The following ATP2B2 variants were observed in gnomAD, a reference collection of about 807,000 sequenced individuals.
The protein encoded by ATP2B2 is plasma membrane calcium-transporting ATPase 2.
ATP2B2 carries 15 observed loss-of-function variants against 120.0 expected under a neutral mutation model. That is an observed-to-expected ratio of 0.12 (90% confidence interval 0.08 to 0.19). ATP2B2 has a LOEUF of 0.19. Among genes scored for constraint, ATP2B2 ranks in the 10% least tolerant of loss-of-function variants. ATP2B2 has a pLI of 1.00. For missense variants in ATP2B2, 1,045 were observed against 1,719.8 expected (o/e 0.61, Z 6.94); for synonymous variants, 694 against 700.3 (o/e 0.99, Z 0.14).
chr3:10,488,463 A>ATTCATTCCTTCCTTCCTTCC (rs1398194870), intron 1 of ATP2B2, among the ~76,000 whole-genome samples: 112 of 95,790 alleles, frequency 1.2e-3, no homozygotes, highest in East Asian at 0.011. Context: ...CACCCTACAA[A>ATTCATTCCTTCCTTCCTTCC]TTCCTTCCTT....
chr3:10,599,779 G>T (rs2125590156), intron 2 of ATP2B2, among the ~76,000 whole-genome samples: 1 of 130,452 alleles, frequency 7.7e-6, no homozygotes. Flanking sequence ...CTGTGCTCAT[G>T]GAATGGAGCT....
At chr3:10,483,651 C>T (rs9827321) in intron 1 of ATP2B2, among the ~76,000 whole-genome samples, 3,673 of 152,218 alleles carry the variant, frequency 0.024, 157 homozygotes, top group African/African-American at 0.084. Flanking sequence ...TGCCTGGCCA[C>T]CAAGGAGATG....
At chr3:10,552,829 G>C (rs2067698280) in intron 2 of ATP2B2, among the ~76,000 whole-genome samples, 1 of 152,236 alleles carries the variant, frequency 6.6e-6, no homozygotes, top group Non-Finnish European at 1.5e-5. Context: ...TGCAACTGCT[G>C]AGGCCACAGA....
At chr3:10,508,762 C>T (rs2066700120), upstream of ATP2B2, among the ~76,000 whole-genome samples, 1 of 152,092 alleles carries the variant, frequency 6.6e-6, no homozygotes, top group Non-Finnish European at 1.5e-5. Context: ...ATTAGACAAA[C>T]AATGGCACTA....
At chr3:10,572,734 G>T (rs1205922824) in intron 2 of ATP2B2, among the ~76,000 whole-genome samples, 1 of 152,190 alleles carries the variant, frequency 6.6e-6, no homozygotes, top group Non-Finnish European at 1.5e-5. Context: ...CATATTAATG[G>T]GTTGAAGGGG....
rs1038572905 is a variant in ATP2B2, at chr3:10,644,574, C to T, written c.-459-24613G>A. Among the ~76,000 whole-genome samples, 4 of 152,112 alleles carry T rather than the reference C, an allele frequency of 2.6e-5. No individual in the cohort carries two copies. In the East Asian group the frequency reaches 5.8e-4, roughly 22 times the overall value. On this transcript the variant is annotated intron_variant, in intron 1 of 21. Transcript: ENST00000646379. ...TGTGTACATGCAATGGAATATTATTCGACCATGAAAAGGAATGAAGTACTA... is the reference window on the plus strand; with the variant it reads ...TGTGTACATGCAATGGAATATTATTTGACCATGAAAAGGAATGAAGTACTA...
intron 1 of ATP2B2, among the ~76,000 whole-genome samples, chr3:10,676,246 T>G (rs79856462): frequency 0.028 from 4,229 of 152,236 alleles, 81 homozygotes; most frequent in South Asian, 0.089. Context: ...GGTTTGGACC[T>G]CAGATCCAAG....
intron 22 of ATP2B2, chr3:10,336,186 C>G: frequency 1.9e-6 from 3 of 1,550,658 alleles, no homozygotes; most frequent in Non-Finnish European, 1.7e-6. Context: ...GACAACGACA[C>G]GCGACTAGGG....
At chr3:10,613,032 G>C (rs925472171) in intron 2 of ATP2B2, among the ~76,000 whole-genome samples, 2 of 152,166 alleles carry the variant, frequency 1.3e-5, no homozygotes, top group African/African-American at 2.4e-5. Context: ...AGCCAGCCTG[G>C]CCTCCACCGA....
At chr3:10,345,611 C>T (rs767601052) in intron 17 of ATP2B2, 36 bp from the exon 18 acceptor site, 2 of 1,605,228 alleles carry the variant, frequency 1.2e-6, no homozygotes, top group Admixed American at 3.3e-5. Context: ...GGTGGGGTGG[C>T]CGGGGGAGGT....
intron 1 of ATP2B2, among the ~76,000 whole-genome samples, chr3:10,645,556 T>C (rs1031138546): frequency 2.0e-5 from 3 of 152,156 alleles, no homozygotes; most frequent in Non-Finnish European, 4.4e-5. Context: ...CAATGGTGCT[T>C]CTGGTTAAAG....
chr3:10,632,133 G>A (rs375719504), intron 1 of ATP2B2, among the ~76,000 whole-genome samples: 1 of 152,226 alleles, frequency 6.6e-6, no homozygotes, highest in East Asian at 1.9e-4. Flanking sequence ...CCTGCAGATG[G>A]TTTTTTGTGG....
chr3:10,627,314 C>G (rs545842264), intron 1 of ATP2B2, among the ~76,000 whole-genome samples: 1 of 152,280 alleles, frequency 6.6e-6, no homozygotes, highest in South Asian at 2.1e-4. Flanking sequence ...GCCTTTGGGA[C>G]CAGCTTATGG....
chr3:10,548,874 A>T (rs574627865), intron 2 of ATP2B2, among the ~76,000 whole-genome samples: 1 of 152,254 alleles, frequency 6.6e-6, no homozygotes, highest in South Asian at 2.1e-4. Context: ...TCATATTTGA[A>T]CCCAGGCTTG....
At chr3:10,533,460 T>G (rs1283310135) in intron 3 of ATP2B2, among the ~76,000 whole-genome samples, 2 of 152,206 alleles carry the variant, frequency 1.3e-5, no homozygotes, top group Non-Finnish European at 2.9e-5. Context: ...GCTGTCCCAG[T>G]TGCAGAGCTA....
intron 1 of ATP2B2, among the ~76,000 whole-genome samples, chr3:10,703,736 T>C (rs527659112): frequency 3.9e-5 from 6 of 152,352 alleles, no homozygotes. Context: ...CTTTGACATC[T>C]GGGGCCTTGC....
At chr3:10,555,777 GT>G (rs1178365835) in intron 2 of ATP2B2, among the ~76,000 whole-genome samples, 37 of 152,358 alleles carry the variant, frequency 2.4e-4, no homozygotes, top group African/African-American at 8.7e-4. Context: ...GCAAAAGGCA[GT>G]GGCTGTTTTC....
intron 3 of ATP2B2, among the ~76,000 whole-genome samples, chr3:10,404,154 G>A (rs2062329947): frequency 6.6e-6 from 1 of 152,064 alleles, no homozygotes; most frequent in African/African-American, 2.4e-5. Context: ...AAAATTCCAG[G>A]TCTGGAATCA....
chr3:10,668,374 C>T (rs1403284055), intron 1 of ATP2B2, among the ~76,000 whole-genome samples: 5 of 152,318 alleles, frequency 3.3e-5, no homozygotes, highest in Admixed American at 6.5e-5. Context: ...CTAACTGCCC[C>T]GTGCTTGAGA....
Sources: allele counts gnomAD v4.1 joint callset (sites outside exome capture counted in the v4.1 genomes callset), GRCh38; gene constraint gnomAD v4.1.1; transcripts MANE v1.5; gene names NCBI Gene and HGNC (gene_info 2026-07-23, HGNC 2026-07-21).